Variants in TMEM116 observed in about 807,000 individuals in gnomAD.
TMEM116 encodes transmembrane protein 116.
Under a neutral mutation model 44.3 loss-of-function variants are expected in TMEM116, and 38 were observed. The ratio of observed to expected loss-of-function variants is 0.86; its 90% CI spans 0.66 to 1.12. The LOEUF is 1.12. Among genes scored for constraint, TMEM116 ranks in the 50% most tolerant of loss-of-function variants. The probability of loss-of-function intolerance (pLI) is 0.00; values close to 1 mark genes in which losing one functional copy is unlikely to be tolerated. For synonymous variants in TMEM116, 132 were observed against 144.8 expected (o/e 0.91, Z 0.64); for missense variants, 354 against 401.7 (o/e 0.88, Z 1.01).
intron 4 of TMEM116, among the ~76,000 whole-genome samples, chr12:111,953,801 GTCTC>G (rs1157619829): frequency 6.6e-6 from 1 of 151,884 alleles, no homozygotes; most frequent in African/African-American, 2.4e-5. Flanking sequence ...CTTTTAGAGA[GTCTC>G]TCTCTCTGTT....
rs117800485 is a variant in TMEM116 at position 111,931,744 on chromosome 12, C to G, written c.891G>C (p.Glu297Asp). Residue 297 changes from glutamate (E) to aspartate (D), a missense_variant, in exon 11 of 11, where the codon GAG becomes GAC. Physicochemically the swap from Glu to Asp is conservative, Grantham distance 45. Transcript: ENST00000552374. ...TCTGGGTATCTGCATCACGCCGAGC[C>G]TCCTGCTTTAGTTGGTGGAATTTGT... Reference protein sequence around the residue: ...TQHKFHQLKQEARRDADTQTP... With the variant: ...TQHKFHQLKQDARRDADTQTP... 1 of 1,610,702 alleles carries G rather than the reference C, an allele frequency of 6.2e-7. No individual in the cohort carries two copies. Among genetic ancestry groups the G allele is most frequent in the East Asian group, 2.2e-5 (1 of 44,848 alleles).
intron 4 of TMEM116, among the ~76,000 whole-genome samples, chr12:111,946,003 G>C (rs931208017): frequency 6.6e-6 from 1 of 152,162 alleles, no homozygotes; most frequent in Admixed American, 6.5e-5. Context: ...AGTTAGGCTA[G>C]GCAAAGCTAT....
chr12:111,990,083 G>A (rs1445547511), intron 4 of TMEM116, among the ~76,000 whole-genome samples: 8 of 151,842 alleles, frequency 5.3e-5, no homozygotes, highest in Admixed American at 2.6e-4. Flanking sequence ...GTGAAACCCC[G>A]TCTCTACTAA....
chr12:111,943,111 G>A (rs2072997638), intron 5 of TMEM116, 154 bp downstream of exon 5: 2 of 653,446 alleles, frequency 3.1e-6, no homozygotes, highest in Non-Finnish European at 5.4e-6. Flanking sequence ...TTTTTGTAGA[G>A]ATGGGCTTTC....
chr12:111,950,192 T>G (rs2073612027), intron 4 of TMEM116, among the ~76,000 whole-genome samples: 1 of 151,630 alleles, frequency 6.6e-6, no homozygotes, highest in Non-Finnish European at 1.5e-5. Context: ...AAGAGATGGG[T>G]CTTGTGCCCG....
In TMEM116 at chr12:111,953,801, G is replaced by GTC. The variant is rs1157619829; in HGVS notation, c.211-10434_211-10433dup. On this transcript the variant is annotated intron_variant, in intron 4 of 10. Coordinates refer to ENST00000552374, the MANE Select transcript of TMEM116 (RefSeq NM_001193531.2). ...GAATAAATTCTATTTCTTTTAGAGA[G>GTC]TCTCTCTCTCTGTTATTTAGGCTGA... is the stretch of plus-strand genomic sequence containing the variant. Among the ~76,000 whole-genome samples the GTC allele has an allele frequency of 6.6e-5, 10 of 152,002 alleles. No homozygotes were observed. In the East Asian group the frequency reaches 1.5e-3, roughly 24 times the overall value.
intron 4 of TMEM116, among the ~76,000 whole-genome samples, chr12:111,990,865 A>G (rs1263668349): frequency 3.3e-5 from 5 of 152,234 alleles, no homozygotes; most frequent in African/African-American, 1.2e-4. Flanking sequence ...GATGTTATAG[A>G]AAAGTATTTA....
chr12:111,975,793 T>A (rs183583877), intron 4 of TMEM116, among the ~76,000 whole-genome samples: 3 of 148,838 alleles, frequency 2.0e-5, no homozygotes, highest in Admixed American at 6.7e-5. Context: ...AGGGATACTT[T>A]AAAAAAAAAA....
chr12:111,943,873 G>A (rs2073051975), intron 4 of TMEM116, among the ~76,000 whole-genome samples: 1 of 152,042 alleles, frequency 6.6e-6, no homozygotes, highest in African/African-American at 2.4e-5. Flanking sequence ...CCTAAAACAT[G>A]CCCTGCTTCC....
intron 9 of TMEM116, 178 bp from the exon 10 acceptor site, chr12:111,932,837 T>C: frequency 1.7e-6 from 1 of 594,418 alleles, no homozygotes; most frequent in East Asian, 2.8e-5. Context: ...TAGTCTTTAC[T>C]GATGAAACTT....
chr12:112,011,905 C>T (rs2077858333), intron 1 of TMEM116: 1 of 152,184 alleles, frequency 6.6e-6, no homozygotes, highest in Non-Finnish European at 1.5e-5. Context: ...CATTACGTTG[C>T]CCAGGCTGAC....
chr12:111,951,867 T>A (rs1180236967), intron 4 of TMEM116, among the ~76,000 whole-genome samples: 3 of 152,124 alleles, frequency 2.0e-5, no homozygotes, highest in Admixed American at 6.6e-5. Context: ...TAGTAGGTGA[T>A]GTTAGCAACA....
At chr12:111,964,143 A>AG (rs2074816154) in intron 4 of TMEM116, among the ~76,000 whole-genome samples, 1 of 151,674 alleles carries the variant, frequency 6.6e-6, no homozygotes, top group African/African-American at 2.4e-5. Flanking sequence ...GGTTAAAAAA[A>AG]AAAAAAAAAA....
At chr12:111,970,633 C>T (rs60142098) in intron 4 of TMEM116, among the ~76,000 whole-genome samples, 1 of 147,192 alleles carries the variant, frequency 6.8e-6, no homozygotes, top group Non-Finnish European at 1.5e-5. Context: ...GTCACCCAGG[C>T]TGGAGTGCAA....
chr12:112,009,481 T>G (rs903095870), intron 1 of TMEM116, among the ~76,000 whole-genome samples: 1 of 149,760 alleles, frequency 6.7e-6, no homozygotes, highest in Non-Finnish European at 1.5e-5. Context: ...GTCCAAAAGA[T>G]GTGTTTGCAA....
chr12:112,009,663 C>T (rs908827746), intron 1 of TMEM116, among the ~76,000 whole-genome samples: 1 of 150,826 alleles, frequency 6.6e-6, no homozygotes, highest in African/African-American at 2.4e-5. Flanking sequence ...CATGGTGAAA[C>T]CCCATCTCTA....
intron 1 of TMEM116, among the ~76,000 whole-genome samples, chr12:112,009,838 T>C (rs2077757804): frequency 6.7e-6 from 1 of 149,670 alleles, no homozygotes; most frequent in African/African-American, 2.5e-5. Context: ...CAAGTGACTC[T>C]GTCTCAAAAA....
chr12:111,991,691 C>A, intron 4 of TMEM116, 67 bp downstream of exon 4: 1 of 1,462,140 alleles, frequency 6.8e-7, no homozygotes, highest in Non-Finnish European at 9.1e-7. Flanking sequence ...GGTGAATCAT[C>A]TTTGTTTCTA....
At chr12:111,986,262 G>A (rs1238556215) in intron 4 of TMEM116, among the ~76,000 whole-genome samples, 6 of 152,106 alleles carry the variant, frequency 3.9e-5, no homozygotes, top group Admixed American at 3.3e-4. Flanking sequence ...AGAAGGCTGA[G>A]ACAGGAGTAT....
Sources: gnomAD v4.1 joint callset for allele counts (sites outside exome capture counted in the v4.1 genomes callset) on GRCh38, gnomAD v4.1.1 for gene constraint, MANE v1.5 for transcripts, NCBI Gene and HGNC (gene_info 2026-07-23, HGNC 2026-07-21) for gene names.